The following STK35 variants were observed in gnomAD, a reference collection of about 807,000 sequenced individuals.
STK35 encodes serine/threonine kinase 35, also known as serine/threonine-protein kinase 35.
Under a neutral mutation model 37.3 loss-of-function variants are expected in STK35, and 17 were observed. The ratio of observed to expected loss-of-function variants is 0.46; its 90% CI spans 0.31 to 0.68. The LOEUF (loss-of-function observed/expected upper bound fraction) is 0.68, where lower values mean the gene tolerates loss of function less well. Among genes scored for constraint, STK35 ranks in the 30% least tolerant of loss-of-function variants. STK35 has a pLI of 0.05. For synonymous variants in STK35, 385 were observed against 319.1 expected (o/e 1.21, Z -2.20); for missense variants, 595 against 746.7 (o/e 0.80, Z 2.37).
At chr20:2,133,616 C>T (rs6112954) in intron 3 of STK35, among the ~76,000 whole-genome samples, 14,652 of 152,246 alleles carry the variant, frequency 0.096, 2,635 homozygotes, top group East Asian at 0.81. Context: ...TTAAGTGAGT[C>T]TGGGTTCTCA....
intron 3 of STK35, among the ~76,000 whole-genome samples, chr20:2,130,667 T>A (rs756279719): frequency 6.6e-6 from 1 of 152,142 alleles, no homozygotes; most frequent in Non-Finnish European, 1.5e-5. Flanking sequence ...CTACTTTAAT[T>A]TGTAAATTGG....
chr20:2,124,109 C>T (rs1323327065), intron 3 of STK35, among the ~76,000 whole-genome samples: 1 of 152,188 alleles, frequency 6.6e-6, no homozygotes, highest in Non-Finnish European at 1.5e-5. Context: ...ATTGAATCAT[C>T]TTTAAATTTA....
chr20:2,143,877 A>T lies in STK35; in HGVS notation c.*131A>T. 2.2e-6 allele frequency: 1 copy of T among 448,810 alleles called. No homozygotes were observed. Among genetic ancestry groups the T allele is most frequent in the South Asian group, 1.6e-5 (1 of 62,452 alleles). The allele number at this position is 448,810 out of a possible 1,614,324, so 27.8% of individuals were successfully genotyped here. On this transcript the variant is annotated 3_prime_UTR_variant, in exon 4 of 4. Coordinates refer to ENST00000381482, the MANE Select transcript of STK35 (RefSeq NM_080836.4). ...CCTGGCCGGTTGGCGATCTCCCGAC[A>T]GCTGGATCCGGCAATGTGAAGCTTT...
chr20:2,120,496 G>T (rs1319297222), intron 3 of STK35, among the ~76,000 whole-genome samples: 1 of 152,162 alleles, frequency 6.6e-6, no homozygotes, highest in Non-Finnish European at 1.5e-5. Flanking sequence ...AGAATTGTGG[G>T]CCTGGGCCCA....
At chr20:2,127,932 A>C (rs1411681200) in intron 3 of STK35, among the ~76,000 whole-genome samples, 1 of 152,148 alleles carries the variant, frequency 6.6e-6, no homozygotes, top group East Asian at 1.9e-4. Context: ...GGAACAGAGG[A>C]TGTCATGAGT....
chr20:2,127,856 T>A (rs1985932880), intron 3 of STK35, among the ~76,000 whole-genome samples: 1 of 152,188 alleles, frequency 6.6e-6, no homozygotes, highest in Non-Finnish European at 1.5e-5. Context: ...GTCTTGAGCC[T>A]AATTATATGA....
chr20:2,102,236 C>A, intron 1 of STK35, 61 bp downstream of exon 1: 1 of 1,381,432 alleles, frequency 7.2e-7, no homozygotes, highest in Non-Finnish European at 9.3e-7. Flanking sequence ...GCCACTGCCT[C>A]CGCGCTTGGG....
chr20:2,141,612 T>A (rs1986173114), intron 3 of STK35, among the ~76,000 whole-genome samples: 1 of 152,232 alleles, frequency 6.6e-6, no homozygotes, highest in Admixed American at 6.5e-5. Context: ...TGGTGTGTGT[T>A]CATTATTAAA....
At chr20:2,134,453 G>T (rs1403879761) in intron 3 of STK35, among the ~76,000 whole-genome samples, 1 of 152,004 alleles carries the variant, frequency 6.6e-6, no homozygotes, top group Non-Finnish European at 1.5e-5. Context: ...CTGTGCTGGG[G>T]GTGCCCTGTT....
rs1986291002 is a variant in STK35 at position 2,147,468 on chromosome 20, TCC to T, written c.*3723_*3724del. 1 of 152,532 alleles carries T rather than the reference TCC, an allele frequency of 6.6e-6. No homozygotes were observed. The highest frequency in any genetic ancestry group is 2.4e-5 in the African/African-American group (1 of 41,454). 9.4% of individuals were successfully genotyped at this position (152,532 alleles called of 1,614,324 possible). ...TAGCTGTTTACCTTCTTAGAAGACA[TCC>T]TAATAGGATGGATGTCTGGGTTTTA... On this transcript the variant is annotated 3_prime_UTR_variant, in exon 4 of 4. Transcript: ENST00000381482.
chr20:2,103,504 C>T (rs1985450424), intron 2 of STK35, 139 bp downstream of exon 2: 5 of 788,666 alleles, frequency 6.3e-6, no homozygotes, highest in Non-Finnish European at 9.7e-6. Flanking sequence ...ACCCTCCTTT[C>T]CTGGGCCCAG....
At chr20:2,130,372 G>A (rs2122573677) in intron 3 of STK35, among the ~76,000 whole-genome samples, 1 of 152,202 alleles carries the variant, frequency 6.6e-6, no homozygotes, top group African/African-American at 2.4e-5. Context: ...TTCTTTTCTT[G>A]GTAATCAGCT....
At chr20:2,125,105 C>T (rs1310624375) in intron 3 of STK35, among the ~76,000 whole-genome samples, 2 of 152,204 alleles carry the variant, frequency 1.3e-5, no homozygotes, top group African/African-American at 4.8e-5. Flanking sequence ...CCATGGCCTC[C>T]TTGGTGCCAC....
chr20:2,131,158 T>C (rs1659258459), intron 3 of STK35, among the ~76,000 whole-genome samples: 1 of 152,244 alleles, frequency 6.6e-6, no homozygotes, highest in South Asian at 2.1e-4. Context: ...TAGCCTCCTA[T>C]ACACCTAGGT....
Position 2,122,561 on chromosome 20 carries a change from A to G in STK35, c.*37+5146A>G, listed in dbSNP as rs573904492. Among the ~76,000 whole-genome samples the G allele has an allele frequency of 5.2e-4, 79 of 152,298 alleles. No homozygotes were observed. The Middle Eastern group carries it at 0.01, about 20-fold the overall frequency. ...AGTAACAATGCAGGGATGGAGTCTC[A>G]TATCTGCGTTTTCCTGACTGTGTGG... is the stretch of plus-strand genomic sequence containing the variant. On this transcript the variant is annotated intron_variant, in intron 3 of 3. Transcript: ENST00000381482.
chr20:2,134,545 T>C (rs1986053334), intron 3 of STK35, among the ~76,000 whole-genome samples: 1 of 152,176 alleles, frequency 6.6e-6, no homozygotes, highest in South Asian at 2.1e-4. Flanking sequence ...TCAGTATTCT[T>C]TGTGCCATGT....
At chr20:2,128,687 CAG>C (rs1390987575) in intron 3 of STK35, among the ~76,000 whole-genome samples, 3 of 152,094 alleles carry the variant, frequency 2.0e-5, no homozygotes, top group Non-Finnish European at 2.9e-5. Context: ...AAGGTGATCT[CAG>C]GGGAGTGCTG....
intron 2 of STK35, among the ~76,000 whole-genome samples, chr20:2,104,390 C>T (rs1327755689): frequency 6.6e-6 from 1 of 152,170 alleles, no homozygotes; most frequent in Admixed American, 6.5e-5. Flanking sequence ...TAAATTCTAT[C>T]CTTTTTCTAT....
At chr20:2,143,705 T>G in intron 3 of STK35, 79 bp from the exon 4 acceptor site, 1 of 325,912 alleles carries the variant, frequency 3.1e-6, no homozygotes, top group Non-Finnish European at 5.9e-6. Context: ...ACACACAGCT[T>G]CAGTGTTCCT....
Sources: allele counts gnomAD v4.1 joint callset (sites outside exome capture counted in the v4.1 genomes callset), GRCh38; gene constraint gnomAD v4.1.1; transcripts MANE v1.5; gene names NCBI Gene and HGNC (gene_info 2026-07-23, HGNC 2026-07-21).